Variants in PGRMC2 observed in about 807,000 individuals in gnomAD.
PGRMC2 encodes progesterone receptor membrane component 2, also known as membrane-associated progesterone receptor component 2.
A neutral mutation model predicts 19.3 loss-of-function variants in PGRMC2; 9 were observed. That is an observed-to-expected ratio of 0.47 (90% CI 0.28 to 0.81). PGRMC2 has a LOEUF of 0.81. Among genes scored for constraint, PGRMC2 ranks in the 40% least tolerant of loss-of-function variants. PGRMC2 has a pLI of 0.11. For synonymous variants in PGRMC2, 157 were observed against 124.6 expected, an observed-to-expected ratio of 1.26 and a Z score of -1.73; for missense variants, 289 against 297.3, an observed-to-expected ratio of 0.97 and a Z score of 0.21.
At chr4:128,274,196 CA>C (rs1197009958) in intron 1 of PGRMC2, among the ~76,000 whole-genome samples, 4 of 152,154 alleles carry the variant, frequency 2.6e-5, no homozygotes, top group Admixed American at 1.3e-4. Flanking sequence ...TCGTAACCTT[CA>C]AACTTTTTCT....
intron 1 of PGRMC2, among the ~76,000 whole-genome samples, chr4:128,285,252 G>C (rs1427738397): frequency 1.3e-5 from 2 of 151,918 alleles, no homozygotes; most frequent in Admixed American, 6.6e-5. Context: ...TCCGCCTCCC[G>C]AGTAGCTGGG....
chr4:128,273,884 G>A (rs1056829063), intron 1 of PGRMC2, among the ~76,000 whole-genome samples: 1 of 152,200 alleles, frequency 6.6e-6, no homozygotes, highest in Non-Finnish European at 1.5e-5. Context: ...AGTAGCATTA[G>A]CAATAATTTT....
In PGRMC2 at chr4:128,287,709, G is replaced by T; in HGVS notation, c.82C>A (p.Pro28Thr). The T allele has an allele frequency of 6.6e-7, 1 of 1,508,752 alleles. No homozygotes were observed. Among genetic ancestry groups the T allele is most frequent in the Non-Finnish European group, 8.9e-7 (1 of 1,119,586 alleles). 93.5% of individuals were successfully genotyped at this position (1,508,752 alleles called of 1,614,324 possible). A position where few individuals can be genotyped will look rare whatever the true frequency, so the allele number is the denominator to read the frequency against. ...ESSNDGGSES[P>T]GDAGAAAEGG... ...TCCGCTGCCGCTCCCGCGTCGCCTGGACTCTCGCTGCCGCCGTCGTTGCTG... is the reference window on the plus strand; with the variant it reads ...TCCGCTGCCGCTCCCGCGTCGCCTGTACTCTCGCTGCCGCCGTCGTTGCTG... The change falls in exon 1 of 3, where the codon CCA (proline) becomes ACA (threonine). Residue 28 changes from proline to threonine, a missense_variant. Physicochemically the swap from Pro to Thr is conservative, Grantham distance 38. Transcript: ENST00000296425.
In PGRMC2 at chr4:128,271,463, A is replaced by T. The variant is rs1192667245; in HGVS notation, c.575-50T>A. On this transcript the variant is annotated intron_variant, in intron 2 of 2. Transcript: ENST00000296425. Reference sequence around the variant, plus strand: ...CAGTGGTGATCAAATTTGTTTCACTATTCCATTATACAGAGAAAAGGCATT... The same window carrying T: ...CAGTGGTGATCAAATTTGTTTCACTTTTCCATTATACAGAGAAAAGGCATT... 4.4e-6 allele frequency: 4 copies of T among 905,928 alleles called. No individual in the cohort carries two copies. The Admixed American group carries it at 7.1e-5, about 16-fold the overall frequency. The allele number at this position is 905,928 out of a possible 1,614,324, so 56.1% of individuals were successfully genotyped here.
At chr4:128,285,419 A>G (rs1018596160) in intron 1 of PGRMC2, among the ~76,000 whole-genome samples, 2 of 152,138 alleles carry the variant, frequency 1.3e-5, no homozygotes, top group Admixed American at 1.3e-4. Flanking sequence ...ATGAACCACC[A>G]CGCCTGGCTT....
chr4:128,276,882 G>A (rs1760822746), intron 1 of PGRMC2, among the ~76,000 whole-genome samples: 1 of 152,136 alleles, frequency 6.6e-6, no homozygotes, highest in South Asian at 2.1e-4. Context: ...TCATTTTAAA[G>A]ATAAATTTTA....
chr4:128,287,407 G>A lies in PGRMC2; in HGVS notation c.384C>T (p.Phe128=), dbSNP rs1259760643. The stretch of plus-strand genomic sequence containing the variant: ...AGAACTTGCTGCCTTTGGTCACGTC[G>A]AAGACTTTCCCATTGACCGCGAGCA... ...RILLAVNGKV[F]DVTKGSKFYG... is the part of the protein sequence containing the mutation. The change falls in exon 1 of 3, where the codon TTC becomes TTT. Residue 128 remains phenylalanine, a synonymous_variant. Coordinates refer to ENST00000296425, the MANE Select transcript of PGRMC2 (RefSeq NM_006320.6). 1 of 1,611,366 alleles carries A rather than the reference G, an allele frequency of 6.2e-7. No homozygotes were observed. Among genetic ancestry groups the A allele is most frequent in the African/African-American group, 1.3e-5 (1 of 74,904 alleles).
At chr4:128,281,538 CAAAGA>C (rs1291935486) in intron 1 of PGRMC2, among the ~76,000 whole-genome samples, 1 of 151,506 alleles carries the variant, frequency 6.6e-6, no homozygotes, top group Non-Finnish European at 1.5e-5. Flanking sequence ...GGAAAAGAGG[CAAAGA>C]AAAGTAAGGT....
At chr4:128,279,457 C>A (rs1253054315) in intron 1 of PGRMC2, among the ~76,000 whole-genome samples, 1 of 152,146 alleles carries the variant, frequency 6.6e-6, no homozygotes, top group Non-Finnish European at 1.5e-5. Flanking sequence ...ATTGGTCCAA[C>A]CTCTCTGAAG....
At chr4:128,275,867 AAG>A (rs1190116007) in intron 1 of PGRMC2, among the ~76,000 whole-genome samples, 2 of 152,168 alleles carry the variant, frequency 1.3e-5, no homozygotes, top group African/African-American at 4.8e-5. Context: ...CTGGGACTAG[AAG>A]CATGGCCCAC....
chr4:128,281,661 GA>G (rs1003414107), intron 1 of PGRMC2, among the ~76,000 whole-genome samples: 14 of 152,178 alleles, frequency 9.2e-5, no homozygotes, highest in African/African-American at 3.1e-4. Context: ...AATATTAAAT[GA>G]AAAAATCCAG....
intron 1 of PGRMC2, 82 bp from the exon 2 acceptor site, chr4:128,272,599 A>AC: frequency 1.1e-6 from 1 of 926,708 alleles, no homozygotes; most frequent in Non-Finnish European, 1.4e-6. Flanking sequence ...AAAAAAAAAA[A>AC]AAAACACAAC....
chr4:128,271,371 T>C lies in PGRMC2; in HGVS notation c.617A>G (p.Glu206Gly). 6.2e-7 allele frequency: 1 copy of C among 1,607,546 alleles called. No individual in the cohort carries two copies. The highest frequency in any genetic ancestry group is 8.5e-7 in the Non-Finnish European group (1 of 1,174,228). ...YVGRLLKPGE[E>G]PSEYTDEEDT... ...TTCTTCATCTGTATATTCTGATGGT[T>C]CTTCTCCTGGTTTTAGGAGTCTGCC... Residue 206 changes from glutamate (E) to glycine (G), a missense_variant, in exon 3 of 3, where the codon GAA becomes GGA. Physicochemically the swap from Glu to Gly is moderately conservative, Grantham distance 98. Transcript: ENST00000296425.
At chr4:128,283,307 G>C (rs1760936569) in intron 1 of PGRMC2, among the ~76,000 whole-genome samples, 1 of 152,132 alleles carries the variant, frequency 6.6e-6, no homozygotes, top group Admixed American at 6.5e-5. Context: ...TGTGGCTTTG[G>C]GCAATCTCAT....
rs1760701051 is a variant in PGRMC2, at chr4:128,269,912, A to C, written c.*1404T>G. ...TAGAAAGTAAAAAGATGTACATTTA[A>C]TATACCAATTCTTACCTGAATAATC... On this transcript the variant is annotated 3_prime_UTR_variant, in exon 3 of 3. Transcript: ENST00000296425. 1 of 152,578 alleles carries C rather than the reference A, an allele frequency of 6.6e-6. No homozygotes were observed. The highest frequency in any genetic ancestry group is 1.5e-5 in the Non-Finnish European group (1 of 68,030). 9.5% of individuals were successfully genotyped at this position (152,578 alleles called of 1,614,324 possible).
Position 128,287,795 on chromosome 4 carries a change from G to C in PGRMC2, c.-5C>G. 6.7e-7 allele frequency: 1 copy of C among 1,503,408 alleles called. No homozygotes were observed. The highest frequency in any genetic ancestry group is 9.1e-7 in the Non-Finnish European group (1 of 1,103,364). 93.1% of individuals were successfully genotyped at this position (1,503,408 alleles called of 1,614,324 possible). ...GTCCCCATCACCAGCCGCCATCACTGCCCGCCAGCGCCTTCCTCCTCCTCC... is the reference window on the plus strand; with the variant it reads ...GTCCCCATCACCAGCCGCCATCACTCCCCGCCAGCGCCTTCCTCCTCCTCC... On this transcript the variant is annotated 5_prime_UTR_variant, in exon 1 of 3. Transcript: ENST00000296425.
intron 1 of PGRMC2, 38 bp from the exon 2 acceptor site, chr4:128,272,555 A>G: frequency 8.5e-7 from 1 of 1,174,026 alleles, no homozygotes; most frequent in Non-Finnish European, 1.1e-6. Flanking sequence ...ATCACCTAAC[A>G]ATATTTTAGA....
chr4:128,273,201 TCTTA>T (rs1239544955), intron 1 of PGRMC2: 1 of 152,184 alleles, frequency 6.6e-6, no homozygotes, highest in African/African-American at 2.4e-5. Flanking sequence ...AAATAATAGC[TCTTA>T]CTTGTCATGA....
intron 1 of PGRMC2, among the ~76,000 whole-genome samples, chr4:128,276,180 T>C (rs1760808872): frequency 6.6e-6 from 1 of 152,236 alleles, no homozygotes; most frequent in Non-Finnish European, 1.5e-5. Flanking sequence ...ACCTTCCCAT[T>C]CCGTTATCCC....
Sources: allele counts gnomAD v4.1 joint callset (sites outside exome capture counted in the v4.1 genomes callset), GRCh38; gene constraint gnomAD v4.1.1; transcripts MANE v1.5; gene names NCBI Gene and HGNC (gene_info 2026-07-23, HGNC 2026-07-21).